The following GNB4 variants were observed in gnomAD, a reference collection of about 807,000 sequenced individuals.
GNB4 encodes the protein G protein subunit beta 4.
In GNB4, 28 loss-of-function variants were observed where a neutral mutation model predicts 45.2. That is an observed-to-expected ratio of 0.62 (90% CI 0.46 to 0.85). The LOEUF (loss-of-function observed/expected upper bound fraction) is 0.85, where lower values mean the gene tolerates loss of function less well. GNB4 is among the 40% of genes least tolerant of loss of function. The pLI is 0.00. For missense variants in GNB4, 321 were observed against 425.4 expected (o/e 0.75, Z 2.16); for synonymous variants, 132 against 143.7 (o/e 0.92, Z 0.58).
At chr3:179,510,457 T>C in the GNB4 span, among the ~76,000 whole-genome samples, 1 of 152,158 alleles carries the variant, frequency 6.6e-6, no homozygotes, top group Non-Finnish European at 1.5e-5. Context: ...ATTGGCACCA[T>C]TTAGTGATGA....
chr3:179,433,872 A>G lies in GNB4; in HGVS notation c.-42-7630T>C, dbSNP rs1173789452. Among the ~76,000 whole-genome samples, 3 of 152,272 alleles carry G rather than the reference A, an allele frequency of 2.0e-5. No homozygotes were observed. In the East Asian group the frequency reaches 5.8e-4, roughly 29 times the overall value. ...ATATGAACTGGCAAACCACAGCAGG[A>G]AAAGCTTCAGAGGACCACATACAAA... On this transcript the variant is annotated intron_variant, in intron 1 of 9. Coordinates refer to ENST00000232564, the MANE Select transcript of GNB4 (RefSeq NM_021629.4).
At chr3:179,465,484 C>CTG in the GNB4 span, among the ~76,000 whole-genome samples, 2 of 152,046 alleles carry the variant, frequency 1.3e-5, no homozygotes, top group East Asian at 3.9e-4. Flanking sequence ...TGGCAGGTGC[C>CTG]TGTAGTCCCA....
At chr3:179,477,099 C>T in the GNB4 span, among the ~76,000 whole-genome samples, 2 of 152,116 alleles carry the variant, frequency 1.3e-5, no homozygotes, top group African/African-American at 4.8e-5. Flanking sequence ...ATCTGAAGTG[C>T]CTTTGGAGTC....
At chr3:179,467,330 TAGG>T in the GNB4 span, among the ~76,000 whole-genome samples, 3 of 152,174 alleles carry the variant, frequency 2.0e-5, no homozygotes, top group African/African-American at 4.8e-5. Flanking sequence ...TACTTAGGCA[TAGG>T]AGATGTTTCT....
intron 1 of GNB4, among the ~76,000 whole-genome samples, chr3:179,440,622 G>A (rs1186387964): frequency 6.6e-6 from 1 of 152,026 alleles, no homozygotes; most frequent in East Asian, 1.9e-4. Flanking sequence ...ATTTCTCCAT[G>A]TATCATAAAT....
At chr3:179,468,035 A>AAAAATATATATATATATATATAT in the GNB4 span, among the ~76,000 whole-genome samples, 6 of 89,840 alleles carry the variant, frequency 6.7e-5, no homozygotes, top group African/African-American at 1.2e-4. Context: ...TGTTGATAAA[A>AAAAATATATATATATATATATAT]ATATATATAT....
the GNB4 span, among the ~76,000 whole-genome samples, chr3:179,473,876 C>T: frequency 6.6e-6 from 1 of 152,004 alleles, no homozygotes. Flanking sequence ...ATGAAATTAC[C>T]CAGCACTGGC....
chr3:179,467,008 A>T, the GNB4 span, among the ~76,000 whole-genome samples: 9 of 152,146 alleles, frequency 5.9e-5, no homozygotes, highest in South Asian at 2.1e-4. Flanking sequence ...ATACTTTTTT[A>T]AAAAATTAAG....
the GNB4 span, among the ~76,000 whole-genome samples, chr3:179,514,150 G>A: frequency 6.6e-6 from 1 of 152,204 alleles, no homozygotes; most frequent in Non-Finnish European, 1.5e-5. Flanking sequence ...GGAGCACACT[G>A]TGCCATGGAG....
the GNB4 span, among the ~76,000 whole-genome samples, chr3:179,482,491 C>T: frequency 7.2e-5 from 11 of 152,136 alleles, no homozygotes; most frequent in African/African-American, 2.7e-4. Flanking sequence ...AATATGAAAA[C>T]ATGATTTCAT....
intron 1 of GNB4, among the ~76,000 whole-genome samples, chr3:179,428,210 T>C (rs980460355): frequency 6.6e-6 from 1 of 152,250 alleles, no homozygotes; most frequent in African/African-American, 2.4e-5. Flanking sequence ...GGCATTAAGG[T>C]ATATAAAACA....
intron 3 of GNB4, 81 bp downstream of exon 3, chr3:179,420,808 C>A: frequency 1.2e-6 from 1 of 869,298 alleles, no homozygotes; most frequent in Non-Finnish European, 1.9e-6. Flanking sequence ...AGCACTAATA[C>A]AAGAATCTGA....
At chr3:179,466,484 C>T in the GNB4 span, among the ~76,000 whole-genome samples, 2 of 152,166 alleles carry the variant, frequency 1.3e-5, no homozygotes, top group African/African-American at 4.8e-5. Context: ...GACCTACCTC[C>T]CTCCTTGTTC....
At chr3:179,493,975 A>T in the GNB4 span, among the ~76,000 whole-genome samples, 1 of 152,202 alleles carries the variant, frequency 6.6e-6, no homozygotes, top group Non-Finnish European at 1.5e-5. Flanking sequence ...AGGCCACAGG[A>T]ACAGAAACAT....
At chr3:179,507,347 C>G in the GNB4 span, among the ~76,000 whole-genome samples, 1 of 151,618 alleles carries the variant, frequency 6.6e-6, no homozygotes, top group Non-Finnish European at 1.5e-5. Flanking sequence ...TGAAGTGTTC[C>G]CAGAGGGTTC....
intron 6 of GNB4, among the ~76,000 whole-genome samples, chr3:179,414,185 G>A (rs1374408634): frequency 2.6e-5 from 4 of 151,826 alleles, no homozygotes; most frequent in Non-Finnish European, 4.4e-5. Flanking sequence ...TCTCTGCAAG[G>A]AGCAGTTAAA....
the GNB4 span, among the ~76,000 whole-genome samples, chr3:179,470,358 G>A: frequency 1.3e-5 from 2 of 151,922 alleles, no homozygotes; most frequent in Admixed American, 1.3e-4. Flanking sequence ...CAGTATAGAT[G>A]GCAAGATGTG....
chr3:179,493,680 C>A, the GNB4 span, among the ~76,000 whole-genome samples: 2 of 152,094 alleles, frequency 1.3e-5, no homozygotes, highest in Non-Finnish European at 2.9e-5. Context: ...CAGCTCCCAG[C>A]CTTAACACTA....
the GNB4 span, among the ~76,000 whole-genome samples, chr3:179,467,707 C>T: frequency 6.6e-6 from 1 of 152,086 alleles, no homozygotes; most frequent in Non-Finnish European, 1.5e-5. Flanking sequence ...ATTAAATAAA[C>T]ATGGTTGGTG....
Sources: allele counts gnomAD v4.1 joint callset (sites outside exome capture counted in the v4.1 genomes callset), GRCh38; gene constraint gnomAD v4.1.1; transcripts MANE v1.5; gene names NCBI Gene and HGNC (gene_info 2026-07-23, HGNC 2026-07-21).